ROR1: variants seen among roughly 807,000 people sequenced by gnomAD.
The protein encoded by ROR1 is ROR family WNT receptor 1.
ROR1 carries 19 observed loss-of-function variants against 78.8 expected under a neutral mutation model. That is an observed-to-expected ratio of 0.24 (90% CI 0.17 to 0.35). The LOEUF (loss-of-function observed/expected upper bound fraction) is 0.35, where lower values mean the gene tolerates loss of function less well. Ranked by LOEUF, ROR1 falls within the 10% of genes least tolerant of loss-of-function variation. The probability of loss-of-function intolerance (pLI) is 1.00; values close to 1 mark genes in which losing one functional copy is unlikely to be tolerated. For synonymous variants in ROR1, 386 were observed against 433.6 expected (o/e 0.89, Z 1.36); for missense variants, 917 against 1,177.8 (o/e 0.78, Z 3.24).
At chr1:64,007,482 A>C (rs1237916139) in intron 1 of ROR1, among the ~76,000 whole-genome samples, 2 of 152,050 alleles carry the variant, frequency 1.3e-5, no homozygotes, top group African/African-American at 4.8e-5. Flanking sequence ...TTTTCAAAAA[A>C]CAAGAACAAC....
At chr1:64,036,854 CA>C (rs1339078073) in intron 2 of ROR1, among the ~76,000 whole-genome samples, 2 of 152,182 alleles carry the variant, frequency 1.3e-5, no homozygotes, top group Admixed American at 6.5e-5. Context: ...TGGTTGCAGT[CA>C]GATGGTGGCT....
chr1:64,103,678 G>A (rs916217535), intron 4 of ROR1, among the ~76,000 whole-genome samples: 1 of 151,980 alleles, frequency 6.6e-6, no homozygotes, highest in African/African-American at 2.4e-5. Flanking sequence ...AATACACAGT[G>A]TTCTCTAAAT....
chr1:64,142,876 A>C, intron 7 of ROR1: 1 of 1,378,752 alleles, frequency 7.3e-7, no homozygotes, highest in Non-Finnish European at 9.4e-7. Context: ...CAGCCATTGC[A>C]CTCATGGATG....
At chr1:64,037,951 C>T (rs889084230) in intron 2 of ROR1, among the ~76,000 whole-genome samples, 9 of 152,106 alleles carry the variant, frequency 5.9e-5, no homozygotes, top group African/African-American at 2.2e-4. Context: ...AATGCAAGCA[C>T]CCCCTACTCT....
At position 64,003,465 on chromosome 1, in the gene ROR1, C is replaced by A. The variant is rs565181272; in HGVS notation, c.92-5840C>A. Among the ~76,000 whole-genome samples, 300 of 152,290 alleles carry A rather than the reference C, an allele frequency of 2.0e-3. 3 individuals carry two copies. Among genetic ancestry groups the A allele is most frequent in the Middle Eastern group, 3.4e-3 (1 of 294 alleles). ...TATTGATAACTTCATTTAGAGATTG[C>A]ATCAGAAATCCAAATTTGAGGTCAC... On this transcript the variant is annotated intron_variant, in intron 1 of 8. Coordinates refer to ENST00000371079, the MANE Select transcript of ROR1 (RefSeq NM_005012.4).
rs377046134 is a variant in ROR1 at position 63,821,839 on chromosome 1, A to G, written c.91+47331A>G. Reference sequence around the variant, plus strand: ...TGGTTCAAGTGACTTAAGCCCAGCTATTCATGAAATATTATCTGACAGCTC... The same window carrying G: ...TGGTTCAAGTGACTTAAGCCCAGCTGTTCATGAAATATTATCTGACAGCTC... On this transcript the variant is annotated intron_variant, in intron 1 of 8. Coordinates refer to ENST00000371079, the MANE Select transcript of ROR1 (RefSeq NM_005012.4). Among the ~76,000 whole-genome samples the G allele has an allele frequency of 1.2e-4, 18 of 152,300 alleles. No homozygotes were observed. The East Asian group carries it at 3.5e-3, about 29-fold the overall frequency.
intron 8 of ROR1, among the ~76,000 whole-genome samples, chr1:64,159,805 G>A (rs767437284): frequency 6.6e-5 from 10 of 151,978 alleles, no homozygotes; most frequent in Non-Finnish European, 1.0e-4. Context: ...ACCAACCTTA[G>A]CCTTCCCCAC....
chr1:63,838,730 T>A (rs189116304), intron 1 of ROR1, among the ~76,000 whole-genome samples: 1 of 152,244 alleles, frequency 6.6e-6, no homozygotes, highest in Admixed American at 6.5e-5. Context: ...CCTACAGTAG[T>A]GTATAGTAAT....
At chr1:64,023,427 G>T (rs1463964678) in intron 2 of ROR1, among the ~76,000 whole-genome samples, 2 of 152,178 alleles carry the variant, frequency 1.3e-5, no homozygotes, top group Non-Finnish European at 2.9e-5. Flanking sequence ...CTAATAGCAG[G>T]AAGAGAGATG....
chr1:64,050,000 AT>A (rs747939472), intron 3 of ROR1, 22 bp downstream of exon 3: 108 of 1,612,468 alleles, frequency 6.7e-5, no homozygotes, highest in Non-Finnish European at 8.7e-5. Flanking sequence ...CCTACTGGGG[AT>A]GGACTTTGGC....
chr1:63,789,674 CTTTTT>C (rs902307163), intron 1 of ROR1, among the ~76,000 whole-genome samples: 3 of 102,584 alleles, frequency 2.9e-5, no homozygotes, highest in South Asian at 3.4e-4. Flanking sequence ...CCTTCCTCTC[CTTTTT>C]TTTTTTTTTT....
At chr1:64,076,654 A>G (rs1013356992) in intron 4 of ROR1, among the ~76,000 whole-genome samples, 3 of 152,210 alleles carry the variant, frequency 2.0e-5, no homozygotes, top group Non-Finnish European at 4.4e-5. Flanking sequence ...TATTTACCAT[A>G]TTTCAAATGT....
intron 1 of ROR1, chr1:63,775,315 C>T (rs1644609598): frequency 6.6e-6 from 1 of 152,236 alleles, no homozygotes; most frequent in Admixed American, 6.5e-5. Context: ...CGTCTTAGTT[C>T]GCTGCGGGAA....
At chr1:64,044,709 T>C (rs1646770745) in intron 2 of ROR1, among the ~76,000 whole-genome samples, 1 of 152,080 alleles carries the variant, frequency 6.6e-6, no homozygotes. Flanking sequence ...GACAGAAAAA[T>C]TATGGTTAGT....
intron 5 of ROR1, 146 bp downstream of exon 5, chr1:64,137,642 T>A: frequency 1.5e-6 from 1 of 680,492 alleles, no homozygotes; most frequent in Non-Finnish European, 2.4e-6. Context: ...ACATGATCTC[T>A]GTGCTCTGGA....
chr1:63,775,027 G>T (rs936809473), intron 1 of ROR1, among the ~76,000 whole-genome samples: 11 of 152,070 alleles, frequency 7.2e-5, no homozygotes, highest in Non-Finnish European at 1.3e-4. Context: ...GGCTCCGGCG[G>T]CCTCGCATCG....
intron 1 of ROR1, among the ~76,000 whole-genome samples, chr1:63,854,249 A>G (rs1299016736): frequency 6.6e-6 from 1 of 152,202 alleles, no homozygotes; most frequent in Non-Finnish European, 1.5e-5. Context: ...TATTTAAGGC[A>G]TTCTTCAGTA....
intron 1 of ROR1, among the ~76,000 whole-genome samples, chr1:63,803,273 A>T (rs888914896): frequency 3.9e-5 from 6 of 152,198 alleles, no homozygotes; most frequent in African/African-American, 1.4e-4. Context: ...TAAAAATAAG[A>T]TTAAATTATC....
intron 1 of ROR1, among the ~76,000 whole-genome samples, chr1:63,846,117 AAT>A (rs1491224399): frequency 6.2e-4 from 57 of 91,630 alleles, no homozygotes; most frequent in African/African-American, 1.8e-3. Context: ...AGAGAGAGAG[AAT>A]GTGTGTGTGT....
Sources: gnomAD v4.1 joint callset for allele counts (sites outside exome capture counted in the v4.1 genomes callset) on GRCh38, gnomAD v4.1.1 for gene constraint, MANE v1.5 for transcripts, NCBI Gene and HGNC (gene_info 2026-07-23, HGNC 2026-07-21) for gene names.